MKLN1: variants seen among roughly 807,000 people sequenced by gnomAD.
MKLN1 encodes muskelin 1.
A neutral mutation model predicts 99.0 loss-of-function variants in MKLN1; 18 were observed. The ratio of observed to expected loss-of-function variants is 0.18; its 90% CI spans 0.13 to 0.27. The LOEUF (loss-of-function observed/expected upper bound fraction) is 0.27, where lower values mean the gene tolerates loss of function less well. MKLN1 is among the 10% of genes least tolerant of loss of function. MKLN1 has a pLI of 1.00. For synonymous variants in MKLN1, 288 were observed against 293.2 expected (o/e 0.98, Z 0.18); for missense variants, 621 against 875.9 (o/e 0.71, Z 3.67).
upstream of MKLN1, chr7:131,323,397 T>C (rs1030862454): frequency 6.6e-6 from 1 of 152,210 alleles, no homozygotes; most frequent in Non-Finnish European, 1.5e-5. Flanking sequence ...TCTTTCAGGA[T>C]TTCTTTTAGA....
At chr7:131,285,377 C>T (rs979473362) in intron 3 of MKLN1, among the ~76,000 whole-genome samples, 5 of 152,210 alleles carry the variant, frequency 3.3e-5, no homozygotes, top group African/African-American at 1.2e-4. Context: ...GGGATGCGCT[C>T]ATACCTTGTC....
At chr7:131,444,918 G>A (rs892300798) in intron 11 of MKLN1, among the ~76,000 whole-genome samples, 2 of 151,790 alleles carry the variant, frequency 1.3e-5, no homozygotes, top group East Asian at 3.9e-4. Context: ...CAAATGCTAG[G>A]ACTACAGGTG....
chr7:131,212,501 C>T (rs890297156), intron 3 of MKLN1, among the ~76,000 whole-genome samples: 1 of 152,238 alleles, frequency 6.6e-6, no homozygotes, highest in Non-Finnish European at 1.5e-5. Context: ...ACTCTCTGCT[C>T]CTTAGACATA....
chr7:131,235,871 A>AGAAGC (rs1797314300), intron 3 of MKLN1, among the ~76,000 whole-genome samples: 1 of 152,244 alleles, frequency 6.6e-6, no homozygotes, highest in African/African-American at 2.4e-5. Context: ...TGAGTGAGTC[A>AGAAGC]GAAGCCACAA....
chr7:131,406,037 T>C lies in MKLN1; in HGVS notation c.704-5269T>C, dbSNP rs533140957. Among the ~76,000 whole-genome samples, 34 of 152,216 alleles carry C rather than the reference T, an allele frequency of 2.2e-4. 1 individual carries two copies. The South Asian group carries it at 6.2e-3, about 28-fold the overall frequency. On this transcript the variant is annotated intron_variant, in intron 6 of 17. Coordinates refer to ENST00000352689, the MANE Select transcript of MKLN1 (RefSeq NM_013255.5). ...ACTTTCCACTATGATCATCGAATTA[T>C]ATGTTTCCTATAGTTGGTCCAATTT...
At chr7:131,120,695 T>G (rs1444730634) in intron 1 of MKLN1, among the ~76,000 whole-genome samples, 1 of 152,178 alleles carries the variant, frequency 6.6e-6, no homozygotes, top group Non-Finnish European at 1.5e-5. Context: ...AGAGTGACCT[T>G]CACTCCAGTT....
At chr7:131,427,990 C>A (rs1378162471) in intron 8 of MKLN1, among the ~76,000 whole-genome samples, 1 of 151,838 alleles carries the variant, frequency 6.6e-6, no homozygotes, top group Non-Finnish European at 1.5e-5. Flanking sequence ...ATAGTGAGCC[C>A]CTGTCTGTAA....
rs150402854 is a variant in MKLN1, at chr7:131,169,106, C to T, written c.-297+26165C>T. Among the ~76,000 whole-genome samples, 1,496 of 152,298 alleles carry T rather than the reference C, an allele frequency of 9.8e-3. 18 individuals carry two copies. Among genetic ancestry groups the T allele is most frequent in the African/African-American group, 0.034 (1,430 of 41,554 alleles). On this transcript the variant is annotated intron_variant, in intron 2 of 7. Coordinates refer to the MKLN1 transcript ENST00000416992. ...GTCTCCAACTCATGACCTCAGTGATCTGCCCTCCTTGGCCTCCCAAAGTGC... is the reference window on the plus strand; with the variant it reads ...GTCTCCAACTCATGACCTCAGTGATTTGCCCTCCTTGGCCTCCCAAAGTGC...
intron 1 of MKLN1, among the ~76,000 whole-genome samples, chr7:131,328,983 G>T (rs1798982928): frequency 1.3e-5 from 2 of 152,130 alleles, no homozygotes; most frequent in Admixed American, 1.3e-4. Context: ...GTTAAGATCT[G>T]TGCAGATCCT....
chr7:131,228,466 G>A (rs1194375570), intron 3 of MKLN1, among the ~76,000 whole-genome samples: 1 of 152,166 alleles, frequency 6.6e-6, no homozygotes, highest in African/African-American at 2.4e-5. Flanking sequence ...GAATCAAGAG[G>A]AATAAAGAAA....
intron 6 of MKLN1, among the ~76,000 whole-genome samples, chr7:131,399,838 T>C (rs915373939): frequency 2.6e-5 from 4 of 152,184 alleles, no homozygotes; most frequent in African/African-American, 9.7e-5. Flanking sequence ...AACAAGGAGA[T>C]TTGTATTGAA....
At chr7:131,377,915 G>T (rs929342856) in intron 2 of MKLN1, among the ~76,000 whole-genome samples, 2 of 152,128 alleles carry the variant, frequency 1.3e-5, no homozygotes, top group Non-Finnish European at 2.9e-5. Flanking sequence ...AATTTGTCAT[G>T]AAAATAAATA....
intron 1 of MKLN1, among the ~76,000 whole-genome samples, chr7:131,365,923 T>C (rs1161257115): frequency 6.6e-6 from 1 of 152,196 alleles, no homozygotes; most frequent in Non-Finnish European, 1.5e-5. Context: ...AGCTCTATTA[T>C]AATGGTTTGA....
At chr7:131,383,016 C>A (rs1173663635) in intron 2 of MKLN1, among the ~76,000 whole-genome samples, 1 of 152,190 alleles carries the variant, frequency 6.6e-6, no homozygotes, top group Admixed American at 6.5e-5. Context: ...AGCCACCACA[C>A]CCGGCCAGCT....
At chr7:131,379,697 G>A (rs553364674) in intron 2 of MKLN1, among the ~76,000 whole-genome samples, 3 of 152,282 alleles carry the variant, frequency 2.0e-5, no homozygotes, top group East Asian at 3.9e-4. Flanking sequence ...TTTAAGTAAC[G>A]TAAGGAATGT....
chr7:131,459,953 A>T (rs774533175), intron 12 of MKLN1, among the ~76,000 whole-genome samples: 3 of 151,728 alleles, frequency 2.0e-5, no homozygotes, highest in Non-Finnish European at 4.4e-5. Context: ...CATAATTTCT[A>T]TCTTTTTGCT....
chr7:131,429,176 T>C, intron 9 of MKLN1, 31 bp downstream of exon 9: 1 of 1,449,872 alleles, frequency 6.9e-7, no homozygotes, highest in Non-Finnish European at 9.7e-7. Flanking sequence ...TACATCTATA[T>C]TACAGAAGGG....
upstream of MKLN1, among the ~76,000 whole-genome samples, chr7:131,323,064 C>A (rs1315229869): frequency 6.6e-6 from 1 of 152,180 alleles, no homozygotes; most frequent in Non-Finnish European, 1.5e-5. Context: ...TTCACTAGAC[C>A]TGGTGAGAAA....
intron 2 of MKLN1, among the ~76,000 whole-genome samples, chr7:131,177,915 G>A (rs1169905493): frequency 6.6e-6 from 1 of 152,166 alleles, no homozygotes; most frequent in East Asian, 1.9e-4. Flanking sequence ...TGGTAATCTG[G>A]AATGCAAGCT....
Sources: gnomAD v4.1 joint callset for allele counts (sites outside exome capture counted in the v4.1 genomes callset) on GRCh38, gnomAD v4.1.1 for gene constraint, MANE v1.5 for transcripts, NCBI Gene and HGNC (gene_info 2026-07-23, HGNC 2026-07-21) for gene names.